SLC4A10: variants seen among roughly 807,000 people sequenced by gnomAD.
SLC4A10 encodes sodium-driven chloride bicarbonate exchanger.
In SLC4A10, 42 loss-of-function variants were observed where a neutral mutation model predicts 137.7. The ratio of observed to expected loss-of-function variants is 0.30; its 90% CI spans 0.24 to 0.39. The LOEUF (loss-of-function observed/expected upper bound fraction) is 0.39, where lower values mean the gene tolerates loss of function less well. Among genes scored for constraint, SLC4A10 ranks in the 10% least tolerant of loss-of-function variants. SLC4A10 has a pLI of 1.00. For missense variants in SLC4A10, 925 were observed against 1,355.0 expected (o/e 0.68, Z 4.98); for synonymous variants, 474 against 464.1 (o/e 1.02, Z -0.27).
At chr2:161,797,872 C>G (rs1402634470) in intron 2 of SLC4A10, among the ~76,000 whole-genome samples, 4 of 151,946 alleles carry the variant, frequency 2.6e-5, no homozygotes, top group African/African-American at 9.7e-5. Context: ...TGATGAGCAA[C>G]TTTAGGACTT....
At chr2:161,650,424 G>A (rs1210169866) in intron 1 of SLC4A10, among the ~76,000 whole-genome samples, 2 of 152,262 alleles carry the variant, frequency 1.3e-5, no homozygotes, top group African/African-American at 4.8e-5. Context: ...GGCCTGGCCA[G>A]GGCTGTGTGC....
chr2:161,760,196 C>T (rs1409521161), intron 1 of SLC4A10, among the ~76,000 whole-genome samples: 1 of 151,906 alleles, frequency 6.6e-6, no homozygotes, highest in African/African-American at 2.4e-5. Context: ...ATTTCAGTTT[C>T]TCATGTTAAC....
chr2:161,636,167 T>TCATG (rs1558912732), intron 1 of SLC4A10, among the ~76,000 whole-genome samples: 2 of 152,172 alleles, frequency 1.3e-5, no homozygotes, highest in African/African-American at 4.8e-5. Context: ...TTTTTGAAAT[T>TCATG]CATGCAAATT....
intron 1 of SLC4A10, among the ~76,000 whole-genome samples, chr2:161,687,504 A>G (rs2041563408): frequency 1.3e-5 from 2 of 152,314 alleles, no homozygotes; most frequent in South Asian, 4.1e-4. Flanking sequence ...TAATTGACAT[A>G]ATTAACGGAA....
intron 18 of SLC4A10, among the ~76,000 whole-genome samples, chr2:161,949,821 A>G (rs191835014): frequency 6.6e-6 from 1 of 152,110 alleles, no homozygotes; most frequent in East Asian, 1.9e-4. Flanking sequence ...CCTTATACAT[A>G]TAACCTGAAG....
chr2:161,816,353 G>A (rs951372321), intron 3 of SLC4A10, among the ~76,000 whole-genome samples: 1 of 152,210 alleles, frequency 6.6e-6, no homozygotes, highest in Non-Finnish European at 1.5e-5. Context: ...TCTCTGCTAT[G>A]AAGCTAGATA....
chr2:161,780,243 GAATAT>G (rs1310324422), intron 2 of SLC4A10, among the ~76,000 whole-genome samples: 1 of 151,988 alleles, frequency 6.6e-6, no homozygotes, highest in Non-Finnish European at 1.5e-5. Flanking sequence ...TAAAAGAATA[GAATAT>G]ATCTCCACAT....
chr2:161,832,563 G>C (rs2058498192), intron 3 of SLC4A10, among the ~76,000 whole-genome samples: 1 of 152,182 alleles, frequency 6.6e-6, no homozygotes, highest in Non-Finnish European at 1.5e-5. Context: ...GGAGGTAGTT[G>C]CAAGCTGAGA....
At chr2:161,950,580 C>T in intron 18 of SLC4A10, 107 bp from the exon 19 acceptor site, 3 of 968,744 alleles carry the variant, frequency 3.1e-6, no homozygotes, top group Non-Finnish European at 4.6e-6. Flanking sequence ...GGCCACTCAG[C>T]TCCTCTGTTT....
intron 3 of SLC4A10, among the ~76,000 whole-genome samples, chr2:161,832,622 G>A (rs1006674105): frequency 4.6e-5 from 7 of 152,184 alleles, no homozygotes; most frequent in Non-Finnish European, 7.4e-5. Flanking sequence ...GGAGATTACA[G>A]TCTGGCAGTA....
chr2:161,675,298 C>T (rs1345584256), intron 1 of SLC4A10, among the ~76,000 whole-genome samples: 1 of 152,192 alleles, frequency 6.6e-6, no homozygotes, highest in Non-Finnish European at 1.5e-5. Context: ...CACGGATGAT[C>T]TTCATGATGG....
chr2:161,638,245 T>C (rs1008911440), intron 1 of SLC4A10, among the ~76,000 whole-genome samples: 1 of 152,146 alleles, frequency 6.6e-6, no homozygotes, highest in African/African-American at 2.4e-5. Context: ...TGTTTTCTTC[T>C]AGTAGTTTTA....
intron 3 of SLC4A10, among the ~76,000 whole-genome samples, chr2:161,820,828 A>G (rs910102967): frequency 2.6e-5 from 4 of 152,188 alleles, no homozygotes; most frequent in African/African-American, 9.6e-5. Context: ...GAGTCATAGG[A>G]CATGCATATT....
intron 1 of SLC4A10, among the ~76,000 whole-genome samples, chr2:161,695,548 A>G (rs752748324): frequency 6.6e-6 from 1 of 152,124 alleles, no homozygotes; most frequent in Non-Finnish European, 1.5e-5. Flanking sequence ...TTTAACCTAC[A>G]TATTTATAAT....
Position 161,984,359 on chromosome 2 carries a change from G to C in SLC4A10, c.*1207G>C, listed in dbSNP as rs1009230918. 47 of 151,984 alleles carry C rather than the reference G, an allele frequency of 3.1e-4. No individual in the cohort carries two copies. The highest frequency in any genetic ancestry group is 9.2e-4 in the African/African-American group (38 of 41,398). 9.4% of individuals were successfully genotyped at this position (151,984 alleles called of 1,614,324 possible). A position where few individuals can be genotyped will look rare whatever the true frequency, so the allele number is the denominator to read the frequency against. On this transcript the variant is annotated 3_prime_UTR_variant, in exon 27 of 27. Coordinates refer to ENST00000446997, the MANE Select transcript of SLC4A10 (RefSeq NM_001178015.2). ...AGGGGAGAGAAAGTTATGAAGTTTTGGACATTACTAAAAGTACAGTATTTG... is the reference window on the plus strand; with the variant it reads ...AGGGGAGAGAAAGTTATGAAGTTTTCGACATTACTAAAAGTACAGTATTTG...
intron 17 of SLC4A10, among the ~76,000 whole-genome samples, chr2:161,948,312 TGA>T (rs1012836488): frequency 4.6e-5 from 7 of 152,260 alleles, no homozygotes; most frequent in African/African-American, 1.4e-4. Context: ...TTCTGAGGGA[TGA>T]GCTATAGATT....
intron 1 of SLC4A10, among the ~76,000 whole-genome samples, chr2:161,700,204 G>T (rs1414303018): frequency 2.6e-5 from 4 of 152,146 alleles, no homozygotes. Context: ...CAGTTATGGA[G>T]GTCATCAAAC....
intron 1 of SLC4A10, among the ~76,000 whole-genome samples, chr2:161,664,995 T>A (rs1394330631): frequency 6.6e-6 from 1 of 151,802 alleles, no homozygotes; most frequent in East Asian, 1.9e-4. Context: ...TTGAAACATA[T>A]TTATAGAAAA....
chr2:161,739,347 C>T (rs1043449878), intron 1 of SLC4A10, among the ~76,000 whole-genome samples: 1 of 152,046 alleles, frequency 6.6e-6, no homozygotes, highest in African/African-American at 2.4e-5. Flanking sequence ...ATGCTTTTAT[C>T]GCCTCCTATT....
Sources: gnomAD v4.1 joint callset for allele counts (sites outside exome capture counted in the v4.1 genomes callset) on GRCh38, gnomAD v4.1.1 for gene constraint, MANE v1.5 for transcripts, NCBI Gene and HGNC (gene_info 2026-07-23, HGNC 2026-07-21) for gene names.